MYH8: variants seen among roughly 807,000 people sequenced by gnomAD.
MYH8 encodes myosin-8.
MYH8 carries 168 observed loss-of-function variants against 233.2 expected under a neutral mutation model. The observed-to-expected ratio is 0.72, with a 90% CI of 0.64 to 0.82. The LOEUF is 0.82. Ranked by LOEUF, MYH8 falls within the 40% of genes least tolerant of loss-of-function variation. The probability of loss-of-function intolerance (pLI) is 0.00; values close to 1 mark genes in which losing one functional copy is unlikely to be tolerated. For synonymous variants in MYH8, 785 were observed against 850.6 expected (o/e 0.92, Z 1.34); for missense variants, 1,995 against 2,327.8 (o/e 0.86, Z 2.94).
rs772183801 is a variant in MYH8 at position 10,400,496 on chromosome 17, A to T, written c.3629T>A (p.Ile1210Asn). The change falls in exon 27 of 40, where the codon ATT becomes AAT. Residue 1210 changes from isoleucine (I) to asparagine (N), a missense_variant. Ile to Asn is a moderately radical substitution (Grantham distance 149, BLOSUM62 -3). Around this residue, in one of 3 missense-constraint regions of MYH8, gnomAD observed 1,498 missense variants for 1,680.9 expected, o/e 0.89. Coordinates refer to ENST00000403437, the MANE Select transcript of MYH8 (RefSeq NM_002472.3). The surrounding 1 kb of genome is among the most constrained non-coding windows in gnomAD (Gnocchi z 4.0). ...CTGTTTGACCCGCTGCAAGTTGTCA[A>T]TCTGCTCCCCAAGCTCAGCCATACT... ...ADSMAELGEQ[I>N]DNLQRVKQKL... 6.2e-7 allele frequency: 1 copy of T among 1,613,994 alleles called. No individual in the cohort carries two copies. The highest frequency in any genetic ancestry group is 8.5e-7 in the Non-Finnish European group (1 of 1,180,030).
At position 10,419,911 on chromosome 17, in the gene MYH8, G is replaced by T; in HGVS notation, c.210+107C>A. 8.4e-7 allele frequency: 1 copy of T among 1,195,102 alleles called. No individual in the cohort carries two copies. The highest frequency in any genetic ancestry group is 1.2e-6 in the Non-Finnish European group (1 of 803,740). The allele number at this position is 1,195,102 out of a possible 1,614,324, so 74.0% of individuals were successfully genotyped here. A position where few individuals can be genotyped will look rare whatever the true frequency, so the allele number is the denominator to read the frequency against. ...ACATCTAATGTCTCAACACTGACTA[G>T]AAGGGTGTTTGCATTGGCAACAGGC... On this transcript the variant is annotated intron_variant, in intron 3 of 39. Coordinates refer to ENST00000403437, the MANE Select transcript of MYH8 (RefSeq NM_002472.3). This position sits in a 1 kb window ranked among gnomAD's most constrained non-coding sequence, Gnocchi z 4.0.
intron 38 of MYH8, 103 bp downstream of exon 38, chr17:10,392,439 A>T: frequency 9.6e-7 from 1 of 1,043,720 alleles, no homozygotes; most frequent in Non-Finnish European, 1.5e-6. Context: ...GTACCAAGTT[A>T]ATGCGTATTT....
In MYH8 at chr17:10,418,938, C is replaced by G; in HGVS notation, c.303G>C (p.Glu101Asp). 1 of 1,614,156 alleles carries G rather than the reference C, an allele frequency of 6.2e-7. No individual in the cohort carries two copies. Among genetic ancestry groups the G allele is most frequent in the Admixed American group, 1.7e-5 (1 of 60,024 alleles). Residue 101 changes from glutamate to aspartate, a missense_variant, in exon 4 of 40, where the codon GAG (glutamate) becomes GAC (aspartate). Physicochemically the swap from Glu to Asp is conservative, Grantham distance 45. Coordinates refer to ENST00000403437, the MANE Select transcript of MYH8 (RefSeq NM_002472.3). ...CTTTGAGGTTGTACAGCACTCCAGGCTCGTGTAGATGAGTCATCATGGCCA... is the reference window on the plus strand; with the variant it reads ...CTTTGAGGTTGTACAGCACTCCAGGGTCGTGTAGATGAGTCATCATGGCCA... The part of the protein sequence containing the change: ...EDMAMMTHLH[E>D]PGVLYNLKER...
Position 10,415,245 on chromosome 17 carries a change from CA to C in MYH8, c.741+46del. 6.2e-7 allele frequency: 1 copy of C among 1,603,314 alleles called. No individual in the cohort carries two copies. The highest frequency in any genetic ancestry group is 8.5e-7 in the Non-Finnish European group (1 of 1,170,246). ...GAGAGATGCAAATGAAATAATAATT[CA>C]GACGTGGCTACTCTGGAAGTTAGGG... is the stretch of plus-strand genomic sequence containing the variant. On this transcript the variant is annotated intron_variant, in intron 8 of 39. Transcript: ENST00000403437. This position sits in a 1 kb window ranked among gnomAD's most constrained non-coding sequence, Gnocchi z 4.1.
chr17:10,415,284 A>G lies in MYH8; in HGVS notation c.741+8T>C, dbSNP rs370684142. On this transcript the variant is annotated splice_region_variant and intron_variant, in intron 8 of 39. Transcript: ENST00000403437. The surrounding 1 kb of genome is among the most constrained non-coding windows in gnomAD (Gnocchi z 4.1). Reference sequence around the variant, plus strand: ...CTGGAAGTTAGGGGTTGAGACCAAGAGACTCACAAAGCGAGAGGAGTTGTC... The same window carrying G: ...CTGGAAGTTAGGGGTTGAGACCAAGGGACTCACAAAGCGAGAGGAGTTGTC... 46 of 1,612,348 alleles carry G rather than the reference A, an allele frequency of 2.9e-5. No homozygotes were observed. The African/African-American group carries it at 4.8e-4, about 17-fold the overall frequency.
Position 10,415,617 on chromosome 17 carries a change from A to G in MYH8, c.540-37T>C, listed in dbSNP as rs2072283375. 6.2e-7 allele frequency: 1 copy of G among 1,613,740 alleles called. No homozygotes were observed. The highest frequency in any genetic ancestry group is 8.5e-7 in the Non-Finnish European group (1 of 1,179,596). ...AAATCAGAGAAGAGATCAGAGAACTATGGCCTGCATTGTCAACATCTAAGA... is the reference window on the plus strand; with the variant it reads ...AAATCAGAGAAGAGATCAGAGAACTGTGGCCTGCATTGTCAACATCTAAGA... On this transcript the variant is annotated intron_variant, in intron 6 of 39. Coordinates refer to ENST00000403437, the MANE Select transcript of MYH8 (RefSeq NM_002472.3). This position sits in a 1 kb window ranked among gnomAD's most constrained non-coding sequence, Gnocchi z 4.1.
intron 30 of MYH8, among the ~76,000 whole-genome samples, chr17:10,397,459 T>C (rs2072090421): frequency 6.6e-6 from 1 of 152,142 alleles, no homozygotes; most frequent in Non-Finnish European, 1.5e-5. Flanking sequence ...AGAACTGCTT[T>C]CTAGATTGGT....
At chr17:10,411,862 T>C (rs1433550548) in intron 14 of MYH8, among the ~76,000 whole-genome samples, 1 of 152,206 alleles carries the variant, frequency 6.6e-6, no homozygotes, top group African/African-American at 2.4e-5. Flanking sequence ...CTTTATTTTA[T>C]AGATGGTGAA....
chr17:10,410,092 T>C (rs187542975), intron 15 of MYH8, among the ~76,000 whole-genome samples: 3 of 152,268 alleles, frequency 2.0e-5, no homozygotes, highest in Admixed American at 6.5e-5. Context: ...TCACTTGAAC[T>C]CAGGAGTTCA....
Sources: gnomAD v4.1 joint callset for allele counts (sites outside exome capture counted in the v4.1 genomes callset) on GRCh38, gnomAD v4.1.1 for gene constraint, gnomAD v4.1.1 regional missense constraint, Gnocchi (gnomAD v3.1) non-coding constraint, MANE v1.5 for transcripts, NCBI Gene and HGNC (gene_info 2026-07-23, HGNC 2026-07-21) for gene names.